The following HPSE2 variants were observed in gnomAD, a reference collection of about 807,000 sequenced individuals.
The protein encoded by HPSE2 is heparanase 2 (inactive).
HPSE2 carries 38 observed loss-of-function variants against 60.5 expected under a neutral mutation model. The ratio of observed to expected loss-of-function variants is 0.63; its 90% CI spans 0.48 to 0.82. HPSE2 has a LOEUF of 0.82. HPSE2 is among the 40% of genes least tolerant of loss of function. The pLI, the probability that HPSE2 is intolerant of heterozygous loss-of-function variation, is 0.00. For synonymous variants in HPSE2, 295 were observed against 293.2 expected, an observed-to-expected ratio of 1.01 and a Z score of -0.06; for missense variants, 713 against 740.4, an observed-to-expected ratio of 0.96 and a Z score of 0.43.
intron 3 of HPSE2, among the ~76,000 whole-genome samples, chr10:98,904,807 T>C (rs567436087): frequency 9.9e-5 from 15 of 151,956 alleles, no homozygotes; most frequent in African/African-American, 3.6e-4. Flanking sequence ...AAGAAAAAAA[T>C]AATGGTAAAA....
At chr10:98,497,901 C>T (rs1941901797) in intron 9 of HPSE2, among the ~76,000 whole-genome samples, 1 of 152,084 alleles carries the variant, frequency 6.6e-6, no homozygotes. Flanking sequence ...TTGTGTTTTG[C>T]TAGGATGCTT....
intron 3 of HPSE2, among the ~76,000 whole-genome samples, chr10:98,999,422 C>A (rs1236523914): frequency 2.0e-5 from 3 of 152,108 alleles, no homozygotes; most frequent in Non-Finnish European, 4.4e-5. Context: ...ATTGTATACT[C>A]TTATTTTTAT....
chr10:99,090,427 C>T (rs1030674724), intron 3 of HPSE2, among the ~76,000 whole-genome samples: 2 of 152,116 alleles, frequency 1.3e-5, no homozygotes, highest in Admixed American at 1.3e-4. Context: ...GAGCCTAGAG[C>T]TTTTCAGAAG....
At chr10:98,887,413 C>T (rs7091144) in intron 3 of HPSE2, among the ~76,000 whole-genome samples, 1,653 of 152,236 alleles carry the variant, frequency 0.011, 33 homozygotes, top group African/African-American at 0.037. Context: ...ATCTCCTCTC[C>T]ATGCAGATGT....
chr10:98,513,341 T>G (rs1302467124), intron 9 of HPSE2, among the ~76,000 whole-genome samples: 1 of 152,248 alleles, frequency 6.6e-6, no homozygotes. Context: ...ATTAGCTCAG[T>G]TGGGGTTCCA....
chr10:98,738,968 C>T (rs929044820), intron 4 of HPSE2, among the ~76,000 whole-genome samples: 4 of 152,306 alleles, frequency 2.6e-5, no homozygotes, highest in Admixed American at 1.3e-4. Flanking sequence ...CATCCCATTA[C>T]TGGATATGTA....
At chr10:99,057,093 T>C (rs184031583) in intron 3 of HPSE2, among the ~76,000 whole-genome samples, 6 of 152,336 alleles carry the variant, frequency 3.9e-5, no homozygotes, top group Admixed American at 1.3e-4. Context: ...TTCTGGGTGA[T>C]GAAAATGTTC....
chr10:99,130,018 A>G (rs1298336046), intron 3 of HPSE2, among the ~76,000 whole-genome samples: 1 of 152,124 alleles, frequency 6.6e-6, no homozygotes, highest in Non-Finnish European at 1.5e-5. Flanking sequence ...TGCACAAACT[A>G]GAAAATTTAC....
At chr10:98,867,111 T>C (rs1952606934) in intron 3 of HPSE2, among the ~76,000 whole-genome samples, 1 of 152,088 alleles carries the variant, frequency 6.6e-6, no homozygotes, top group Non-Finnish European at 1.5e-5. Context: ...ACACAGACGA[T>C]GAAGTGAAAG....
At chr10:98,563,126 C>T (rs1944240136) in intron 9 of HPSE2, among the ~76,000 whole-genome samples, 1 of 152,128 alleles carries the variant, frequency 6.6e-6, no homozygotes, top group South Asian at 2.1e-4. Flanking sequence ...AAAACTTGTA[C>T]ACAAATGTTC....
At chr10:98,646,391 T>C (rs1022775550) in intron 6 of HPSE2, among the ~76,000 whole-genome samples, 1 of 151,886 alleles carries the variant, frequency 6.6e-6, no homozygotes, top group Admixed American at 6.6e-5. Context: ...TTTAGGTATA[T>C]CATGGTCATC....
At chr10:98,760,669 CT>C (rs752494840) in intron 3 of HPSE2, among the ~76,000 whole-genome samples, 10 of 151,982 alleles carry the variant, frequency 6.6e-5, no homozygotes, top group Non-Finnish European at 1.2e-4. Context: ...ATAAATTAGT[CT>C]CTTACTGTGC....
At chr10:99,304,389 A>G in the HPSE2 span, among the ~76,000 whole-genome samples, 2 of 152,166 alleles carry the variant, frequency 1.3e-5, no homozygotes, top group Non-Finnish European at 1.5e-5. Context: ...CTGAGCTGCT[A>G]CTCTCTGCCT....
chr10:98,730,455 A>G (rs1949199168), intron 4 of HPSE2, among the ~76,000 whole-genome samples: 1 of 152,122 alleles, frequency 6.6e-6, no homozygotes, highest in African/African-American at 2.4e-5. Context: ...GAGCAAAACA[A>G]AGGAATGAAA....
intron 9 of HPSE2, among the ~76,000 whole-genome samples, chr10:98,523,835 T>C (rs1025349838): frequency 1.4e-4 from 22 of 152,236 alleles, no homozygotes; most frequent in African/African-American, 4.8e-4. Context: ...AGTTTCCTTG[T>C]CAACTCTAAT....
At chr10:99,117,426 A>G (rs1275234296) in intron 3 of HPSE2, among the ~76,000 whole-genome samples, 3 of 66,840 alleles carry the variant, frequency 4.5e-5, no homozygotes, top group Non-Finnish European at 9.2e-5. Flanking sequence ...TGAAAAAAAA[A>G]AAAAAAAAAA....
At chr10:98,931,207 A>G (rs1564665790) in intron 3 of HPSE2, among the ~76,000 whole-genome samples, 1 of 144,070 alleles carries the variant, frequency 6.9e-6, no homozygotes, top group Non-Finnish European at 1.5e-5. Flanking sequence ...TTCTCCTAGC[A>G]CCATTTATTA....
intron 4 of HPSE2, among the ~76,000 whole-genome samples, chr10:98,743,532 C>T (rs1014066353): frequency 6.6e-6 from 1 of 152,128 alleles, no homozygotes; most frequent in Admixed American, 6.6e-5. Context: ...TCTTGTAGGA[C>T]CAATGTTCCA....
At chr10:98,624,712 C>T (rs539866199) in intron 7 of HPSE2, among the ~76,000 whole-genome samples, 7 of 152,222 alleles carry the variant, frequency 4.6e-5, no homozygotes, top group South Asian at 2.1e-4. Flanking sequence ...ATAACCACTT[C>T]GAGCTTCAAT....
Sources: allele counts gnomAD v4.1 joint callset (sites outside exome capture counted in the v4.1 genomes callset), GRCh38; gene constraint gnomAD v4.1.1; transcripts MANE v1.5; gene names NCBI Gene and HGNC (gene_info 2026-07-23, HGNC 2026-07-21).